The following TAFA2 variants were observed in gnomAD, a reference collection of about 807,000 sequenced individuals.
The protein encoded by TAFA2 is chemokine-like protein TAFA-2.
A neutral mutation model predicts 18.8 loss-of-function variants in TAFA2; 7 were observed. The observed-to-expected ratio is 0.37, with a 90% CI of 0.21 to 0.70. The LOEUF (loss-of-function observed/expected upper bound fraction) is 0.70. TAFA2 is among the 30% of genes least tolerant of loss of function. The pLI is 0.53. For synonymous variants in TAFA2, 60 were observed against 54.2 expected, an observed-to-expected ratio of 1.11 and a Z score of -0.47; for missense variants, 122 against 158.1, an observed-to-expected ratio of 0.77 and a Z score of 1.23.
intron 4 of TAFA2, among the ~76,000 whole-genome samples, chr12:61,738,909 C>T (rs532433604): frequency 7.9e-5 from 12 of 152,042 alleles, no homozygotes; most frequent in Non-Finnish European, 1.8e-4. Flanking sequence ...AGACTGACTG[C>T]TGTGGAATAA....
At chr12:61,999,096 A>G (rs1880294060) in intron 1 of TAFA2, among the ~76,000 whole-genome samples, 1 of 152,230 alleles carries the variant, frequency 6.6e-6, no homozygotes, top group East Asian at 1.9e-4. Context: ...ATTTCATTTA[A>G]GACTGAAAAA....
chr12:61,934,511 C>A (rs1010113886), intron 1 of TAFA2, among the ~76,000 whole-genome samples: 2 of 152,198 alleles, frequency 1.3e-5, no homozygotes, highest in African/African-American at 4.8e-5. Flanking sequence ...AGATAAGATC[C>A]TTCCTGTAAT....
At chr12:61,816,719 G>T (rs1592408515) in intron 2 of TAFA2, among the ~76,000 whole-genome samples, 1 of 151,212 alleles carries the variant, frequency 6.6e-6, no homozygotes, top group East Asian at 1.9e-4. Context: ...AGATGTATTA[G>T]AGTTTAGGGT....
intron 1 of TAFA2, among the ~76,000 whole-genome samples, chr12:62,225,216 T>C (rs1045286342): frequency 6.6e-6 from 1 of 152,144 alleles, no homozygotes; most frequent in African/African-American, 2.4e-5. Flanking sequence ...AACTAGAATG[T>C]CCAGAAATTG....
At chr12:62,184,766 C>T (rs1291331981) in intron 1 of TAFA2, among the ~76,000 whole-genome samples, 1 of 151,826 alleles carries the variant, frequency 6.6e-6, no homozygotes, top group Non-Finnish European at 1.5e-5. Flanking sequence ...TCCCAAAGTG[C>T]TGGGATTACA....
At chr12:61,901,990 A>G (rs1367118049) in intron 1 of TAFA2, among the ~76,000 whole-genome samples, 6 of 151,598 alleles carry the variant, frequency 4.0e-5, no homozygotes, top group African/African-American at 1.5e-4. Context: ...ACTTTATAGG[A>G]CTTAGCTAGC....
intron 2 of TAFA2, among the ~76,000 whole-genome samples, chr12:61,864,051 C>T (rs544547233): frequency 2.1e-4 from 32 of 151,740 alleles, no homozygotes; most frequent in Admixed American, 5.2e-4. Flanking sequence ...CTCTCATTCT[C>T]CTGAGAGCAC....
chr12:61,810,602 T>C (rs983059095), intron 2 of TAFA2, among the ~76,000 whole-genome samples: 1 of 151,154 alleles, frequency 6.6e-6, no homozygotes, highest in African/African-American at 2.5e-5. Flanking sequence ...AGATTTATAG[T>C]CTTTTCCATG....
At chr12:61,946,219 T>C (rs1170438384) in intron 1 of TAFA2, among the ~76,000 whole-genome samples, 4 of 150,790 alleles carry the variant, frequency 2.7e-5, no homozygotes, top group Non-Finnish European at 4.4e-5. Flanking sequence ...GGATTCCCTA[T>C]TTAATAAATG....
intron 1 of TAFA2, among the ~76,000 whole-genome samples, chr12:62,080,375 G>T (rs1265946035): frequency 6.6e-6 from 1 of 152,116 alleles, no homozygotes; most frequent in Non-Finnish European, 1.5e-5. Context: ...TGAAGGCAGA[G>T]GATTATACAA....
intron 1 of TAFA2, among the ~76,000 whole-genome samples, chr12:62,066,556 G>A (rs1882493794): frequency 6.6e-6 from 1 of 151,898 alleles, no homozygotes; most frequent in Admixed American, 6.6e-5. Context: ...GAGAGAACAA[G>A]CAATGTTTGT....
At chr12:61,976,592 G>T (rs1879443725) in intron 1 of TAFA2, among the ~76,000 whole-genome samples, 1 of 151,656 alleles carries the variant, frequency 6.6e-6, no homozygotes, top group South Asian at 2.1e-4. Flanking sequence ...ACAACCAGCA[G>T]GTTTGTTACA....
intron 1 of TAFA2, among the ~76,000 whole-genome samples, chr12:61,937,030 G>T (rs1339725447): frequency 6.6e-6 from 1 of 152,156 alleles, no homozygotes; most frequent in Non-Finnish European, 1.5e-5. Flanking sequence ...AAGCTGAGAA[G>T]CAAGTCAATA....
intron 1 of TAFA2, among the ~76,000 whole-genome samples, chr12:62,210,185 C>CTAAATAAATAAATAAA (rs56194828): frequency 9.6e-4 from 139 of 144,430 alleles, no homozygotes; most frequent in Non-Finnish European, 1.7e-3. Flanking sequence ...GACTCTGTCT[C>CTAAATAAATAAATAAA]TAAATAAATA....
intron 2 of TAFA2, among the ~76,000 whole-genome samples, chr12:61,797,255 C>T (rs947848909): frequency 6.6e-6 from 1 of 152,152 alleles, no homozygotes; most frequent in African/African-American, 2.4e-5. Context: ...GCATGCCCTA[C>T]CTCACAGTGC....
chr12:61,758,426 G>T (rs143604063), intron 2 of TAFA2, among the ~76,000 whole-genome samples: 7 of 152,020 alleles, frequency 4.6e-5, no homozygotes, highest in African/African-American at 1.7e-4. Flanking sequence ...AGTAAATTGT[G>T]ATCCAGGGCC....
intron 1 of TAFA2, among the ~76,000 whole-genome samples, chr12:61,993,768 T>C (rs1880089858): frequency 6.6e-6 from 1 of 152,202 alleles, no homozygotes; most frequent in Non-Finnish European, 1.5e-5. Flanking sequence ...GAAAATAATC[T>C]TTAATTTTCT....
intron 1 of TAFA2, among the ~76,000 whole-genome samples, chr12:62,161,054 CTCAGTGAGCCTACTCTAT>C (rs541725286): frequency 1.2e-4 from 19 of 152,282 alleles, no homozygotes; most frequent in African/African-American, 4.3e-4. Flanking sequence ...TACAAAAGTA[CTCAGTGAGCCTACTCTAT>C]TTGTTATTAT....
At chr12:61,753,521 C>A in intron 4 of TAFA2, 101 bp downstream of exon 4, 1 of 1,081,784 alleles carries the variant, frequency 9.2e-7, no homozygotes, top group East Asian at 2.5e-5. Context: ...CAAAACTATA[C>A]TCTTCCATTC....
Sources: allele counts gnomAD v4.1 joint callset (sites outside exome capture counted in the v4.1 genomes callset), GRCh38; gene constraint gnomAD v4.1.1; transcripts MANE v1.5; gene names NCBI Gene and HGNC (gene_info 2026-07-23, HGNC 2026-07-21).